The following IMMP2L variants were observed in gnomAD, a reference collection of about 807,000 sequenced individuals.
The protein encoded by IMMP2L is inner mitochondrial membrane peptidase subunit 2.
Under a neutral mutation model 19.3 loss-of-function variants are expected in IMMP2L, and 18 were observed. That is an observed-to-expected ratio of 0.93 (90% CI 0.64 to 1.38). IMMP2L has a LOEUF of 1.38. Ranked by LOEUF, IMMP2L falls within the 40% of genes most tolerant of loss-of-function variation. The probability of loss-of-function intolerance (pLI) is 0.00; values close to 1 mark genes in which losing one functional copy is unlikely to be tolerated. For missense variants in IMMP2L, 233 were observed against 218.2 expected, an observed-to-expected ratio of 1.07 and a Z score of -0.43; for synonymous variants, 76 against 73.0, an observed-to-expected ratio of 1.04 and a Z score of -0.21.
intron 3 of IMMP2L, among the ~76,000 whole-genome samples, chr7:111,453,310 C>T (rs1440772398): frequency 6.6e-6 from 1 of 152,022 alleles, no homozygotes; most frequent in Non-Finnish European, 1.5e-5. Context: ...ATACATTTAC[C>T]ACCTTAATTA....
chr7:110,997,859 T>A (rs1563145678), intron 3 of IMMP2L, among the ~76,000 whole-genome samples: 1 of 152,058 alleles, frequency 6.6e-6, no homozygotes, highest in African/African-American at 2.4e-5. Context: ...ATTCAGGAAA[T>A]AAAAAATATA....
intron 2 of IMMP2L, among the ~76,000 whole-genome samples, chr7:111,500,494 G>A (rs1373756562): frequency 6.6e-6 from 1 of 152,152 alleles, no homozygotes; most frequent in African/African-American, 2.4e-5. Flanking sequence ...ATCTGAGAAA[G>A]GGCAGACTGC....
intron 1 of IMMP2L, among the ~76,000 whole-genome samples, chr7:111,556,519 C>G (rs1304487563): frequency 6.6e-6 from 1 of 151,968 alleles, no homozygotes; most frequent in East Asian, 1.9e-4. Flanking sequence ...CATGTCCAGC[C>G]CCCTTCAGCC....
chr7:110,756,531 GC>G (rs1467755853), intron 5 of IMMP2L, among the ~76,000 whole-genome samples: 1 of 152,084 alleles, frequency 6.6e-6, no homozygotes, highest in African/African-American at 2.4e-5. Flanking sequence ...AGAGTATACT[GC>G]AGAGTCTGAA....
At chr7:110,859,117 A>G (rs1266782983) in intron 5 of IMMP2L, among the ~76,000 whole-genome samples, 1 of 151,930 alleles carries the variant, frequency 6.6e-6, no homozygotes, top group African/African-American at 2.4e-5. Context: ...TGTTGTTTTG[A>G]TTGATATAAA....
At chr7:110,762,014 G>A (rs1798376987) in intron 5 of IMMP2L, among the ~76,000 whole-genome samples, 1 of 152,094 alleles carries the variant, frequency 6.6e-6, no homozygotes. Flanking sequence ...GGTCCTAAAA[G>A]CAGATAATGC....
chr7:110,844,037 A>G (rs931040607), intron 5 of IMMP2L, among the ~76,000 whole-genome samples: 8 of 152,142 alleles, frequency 5.3e-5, no homozygotes, highest in African/African-American at 1.9e-4. Flanking sequence ...GATGGATTCG[A>G]GCAGAAGAGT....
intron 3 of IMMP2L, among the ~76,000 whole-genome samples, chr7:111,330,475 T>C (rs1825765567): frequency 6.6e-6 from 1 of 151,282 alleles, no homozygotes; most frequent in Admixed American, 6.6e-5. Context: ...CCACAACTTA[T>C]ATACTGAAAG....
Position 111,312,552 on chromosome 7 carries a change from C to T in IMMP2L, c.239+174686G>A, listed in dbSNP as rs552709737. 1.6e-4 allele frequency among the ~76,000 whole-genome samples: 25 copies of T among 152,204 alleles called. No homozygotes were observed. In the South Asian group the frequency reaches 5.2e-3, roughly 32 times the overall value. On this transcript the variant is annotated intron_variant, in intron 3 of 5. Transcript: ENST00000405709. The stretch of plus-strand genomic sequence containing the variant: ...CTTGAACTGAGAGAAGTCCTGAACC[C>T]ATAATTTCCTTTCTATAAACCTTCT...
chr7:111,058,770 C>T (rs1340400391), intron 3 of IMMP2L, among the ~76,000 whole-genome samples: 1 of 152,222 alleles, frequency 6.6e-6, no homozygotes, highest in Non-Finnish European at 1.5e-5. Context: ...AAACACCCAC[C>T]CCCAACAAAT....
At chr7:111,517,867 A>G (rs1045846249) in intron 2 of IMMP2L, among the ~76,000 whole-genome samples, 1 of 152,164 alleles carries the variant, frequency 6.6e-6, no homozygotes, top group Non-Finnish European at 1.5e-5. Context: ...GGAATAGGTC[A>G]GTATGAATAA....
At chr7:111,266,971 C>A (rs1817904203) in intron 3 of IMMP2L, among the ~76,000 whole-genome samples, 1 of 152,160 alleles carries the variant, frequency 6.6e-6, no homozygotes, top group Admixed American at 6.6e-5. Flanking sequence ...TGATCAATTT[C>A]TCTACCCTAG....
intron 5 of IMMP2L, among the ~76,000 whole-genome samples, chr7:110,861,096 TGTGAGAGA>T (rs1294031546): frequency 1.9e-5 from 2 of 102,908 alleles, no homozygotes; most frequent in Non-Finnish European, 3.9e-5. Flanking sequence ...TGTGTGTGTG[TGTGAGAGA>T]GAGAGAGAGA....
chr7:111,180,132 T>C (rs1807540947), intron 3 of IMMP2L, among the ~76,000 whole-genome samples: 1 of 152,102 alleles, frequency 6.6e-6, no homozygotes, highest in African/African-American at 2.4e-5. Context: ...GCACTTTTAA[T>C]TTCCTTCAAG....
intron 3 of IMMP2L, among the ~76,000 whole-genome samples, chr7:111,215,612 GT>G (rs1355976738): frequency 6.6e-6 from 1 of 151,946 alleles, no homozygotes; most frequent in South Asian, 2.1e-4. Context: ...TAAAAGAAAG[GT>G]TAGATACAAA....
chr7:110,813,522 G>A (rs975244789), intron 5 of IMMP2L, among the ~76,000 whole-genome samples: 4 of 151,314 alleles, frequency 2.6e-5, no homozygotes, highest in Admixed American at 2.6e-4. Flanking sequence ...TGATCTCCCA[G>A]GCTCAAAACA....
intron 4 of IMMP2L, among the ~76,000 whole-genome samples, chr7:110,897,326 A>G (rs1249013072): frequency 1.3e-5 from 2 of 152,210 alleles, no homozygotes; most frequent in Non-Finnish European, 2.9e-5. Context: ...AATCCAATTG[A>G]AAATGGATAA....
At chr7:110,922,829 T>C (rs1196966286) in intron 4 of IMMP2L, among the ~76,000 whole-genome samples, 4 of 152,202 alleles carry the variant, frequency 2.6e-5, no homozygotes, top group Non-Finnish European at 1.5e-5. Context: ...AGTCTGGATG[T>C]AATGTTTTTC....
At chr7:111,546,683 G>C (rs1374213851) in intron 1 of IMMP2L, among the ~76,000 whole-genome samples, 6 of 151,948 alleles carry the variant, frequency 3.9e-5, no homozygotes, top group Admixed American at 2.6e-4. Context: ...TTCCTTCAAA[G>C]GTCAATTCAA....
Sources: gnomAD v4.1 joint callset for allele counts (sites outside exome capture counted in the v4.1 genomes callset) on GRCh38, gnomAD v4.1.1 for gene constraint, MANE v1.5 for transcripts, NCBI Gene and HGNC (gene_info 2026-07-23, HGNC 2026-07-21) for gene names.